The following EIF2B3 variants were observed in gnomAD, a reference collection of about 807,000 sequenced individuals.
The protein encoded by EIF2B3 is translation initiation factor eIF2B subunit gamma.
Under a neutral mutation model 54.1 loss-of-function variants are expected in EIF2B3, and 20 were observed. That is an observed-to-expected ratio of 0.37 (90% CI 0.26 to 0.54). The LOEUF is 0.54. Ranked by LOEUF, EIF2B3 falls within the 20% of genes least tolerant of loss-of-function variation. The pLI, the probability that EIF2B3 is intolerant of heterozygous loss-of-function variation, is 0.86. For missense variants in EIF2B3, 448 were observed against 547.8 expected (o/e 0.82, Z 1.82); for synonymous variants, 153 against 188.1 (o/e 0.81, Z 1.52).
At chr1:44,972,919 T>C (rs2148961338) in intron 3 of EIF2B3, among the ~76,000 whole-genome samples, 1 of 152,244 alleles carries the variant, frequency 6.6e-6, no homozygotes, top group South Asian at 2.1e-4. Context: ...CATATGCCCA[T>C]GGTTCCAGCT....
chr1:44,984,795 AT>A lies in EIF2B3; in HGVS notation c.-10+1697del, dbSNP rs1182862029. 2.9e-3 allele frequency among the ~76,000 whole-genome samples: 233 copies of A among 80,436 alleles called. 4 individuals are homozygous for A. The highest frequency in any genetic ancestry group is 8.1e-4 in the Non-Finnish European group (38 of 47,104). 52.8% of individuals were successfully genotyped at this position (80,436 alleles called of 152,430 possible). On this transcript the variant is annotated intron_variant, in intron 1 of 11. Coordinates refer to ENST00000360403, the MANE Select transcript of EIF2B3 (RefSeq NM_020365.5). ...ACGTAAAGCAGACAAAATAATGTCC[AT>A]CTTTTTTTTTTTTTTTTTTTTGAGA...
chr1:44,851,766 C>A (rs772596944), intron 11 of EIF2B3, among the ~76,000 whole-genome samples: 3 of 152,094 alleles, frequency 2.0e-5, no homozygotes, highest in Non-Finnish European at 4.4e-5. Context: ...GAAATAATGA[C>A]ACCTACTGCA....
In EIF2B3 at chr1:44,967,147, T is replaced by A. The variant is rs543763504; in HGVS notation, c.294+11168A>T. ...CCTCATATTTCAAAATAAGCTAAAG[T>A]AAGAAAATGATAAATGTGGCTGGGC... On this transcript the variant is annotated intron_variant, in intron 3 of 11. Coordinates refer to ENST00000360403, the MANE Select transcript of EIF2B3 (RefSeq NM_020365.5). 8.0e-5 allele frequency among the ~76,000 whole-genome samples: 12 copies of A among 150,714 alleles called. No homozygotes were observed. In the East Asian group the frequency reaches 1.8e-3, roughly 22 times the overall value.
At chr1:44,853,667 G>A (rs1654347456) in intron 11 of EIF2B3, among the ~76,000 whole-genome samples, 1 of 152,142 alleles carries the variant, frequency 6.6e-6, no homozygotes, top group Non-Finnish European at 1.5e-5. Context: ...GTAGGGTCCA[G>A]TAAATACACT....
chr1:44,940,381 A>G (rs1289680498), intron 4 of EIF2B3, among the ~76,000 whole-genome samples: 1 of 152,202 alleles, frequency 6.6e-6, no homozygotes, highest in Non-Finnish European at 1.5e-5. Flanking sequence ...TTAAACCCAT[A>G]AAAGGACTAC....
intron 3 of EIF2B3, among the ~76,000 whole-genome samples, chr1:44,954,304 T>A (rs1204367159): frequency 6.6e-6 from 1 of 152,224 alleles, no homozygotes; most frequent in African/African-American, 2.4e-5. Flanking sequence ...TTGATTTGAA[T>A]CTATAAATTA....
At chr1:44,852,397 C>T (rs1378438248) in intron 11 of EIF2B3, among the ~76,000 whole-genome samples, 18 of 152,180 alleles carry the variant, frequency 1.2e-4, no homozygotes, top group Non-Finnish European at 2.2e-4. Context: ...CCCTTTTGCA[C>T]TGTCCATTTC....
chr1:44,903,741 A>G (rs935658130), intron 5 of EIF2B3, among the ~76,000 whole-genome samples: 24 of 152,224 alleles, frequency 1.6e-4, no homozygotes, highest in Admixed American at 1.5e-3. Context: ...GATATAGTCC[A>G]CAGTTACTCA....
chr1:44,911,754 T>C (rs957479346), intron 5 of EIF2B3, among the ~76,000 whole-genome samples: 7 of 152,110 alleles, frequency 4.6e-5, no homozygotes, highest in Admixed American at 4.6e-4. Flanking sequence ...ATGTGCACAA[T>C]GTGCAGGTTA....
intron 2 of EIF2B3, among the ~76,000 whole-genome samples, 175 bp downstream of exon 2, chr1:44,980,846 C>G (rs979996165): frequency 6.6e-6 from 1 of 151,960 alleles, no homozygotes; most frequent in Non-Finnish European, 1.5e-5. Context: ...ACACTTAGTG[C>G]TATCCTCTCA....
At chr1:44,854,902 T>C (rs888411413) in intron 11 of EIF2B3, among the ~76,000 whole-genome samples, 1 of 152,030 alleles carries the variant, frequency 6.6e-6, no homozygotes. Flanking sequence ...CTGCATTATT[T>C]CTTAGGATGA....
chr1:44,874,678 C>T lies in EIF2B3; in HGVS notation c.1202G>A (p.Gly401Glu). 1 of 1,613,952 alleles carries T rather than the reference C, an allele frequency of 6.2e-7. No homozygotes were observed. ...LLMNSVTVEEGSNIQGSVICN... is the reference protein window; with the variant it reads ...LLMNSVTVEEESNIQGSVICN... Reference sequence around the variant, plus strand: ...CAAGTGGGTACAGGGGGAAACATACCCTTCCTCCACAGTGACTGAGTTCAT... The same window carrying T: ...CAAGTGGGTACAGGGGGAAACATACTCTTCCTCCACAGTGACTGAGTTCAT... The change falls in exon 10 of 12, where the codon GGA becomes GAA. Residue 401 changes from glycine to glutamate, a missense_variant and splice_region_variant. Gly to Glu is a moderately conservative substitution (Grantham distance 98). Transcript: ENST00000360403.
At chr1:44,851,165 T>C (rs1171292114) in intron 11 of EIF2B3, among the ~76,000 whole-genome samples, 162 bp from the exon 12 acceptor site, 2 of 151,932 alleles carry the variant, frequency 1.3e-5, no homozygotes, top group South Asian at 2.1e-4. Context: ...CCCAGGTTCA[T>C]GCGATTCTCC....
chr1:44,983,859 A>G (rs966562980), intron 1 of EIF2B3, among the ~76,000 whole-genome samples: 2 of 151,586 alleles, frequency 1.3e-5, no homozygotes, highest in African/African-American at 4.8e-5. Flanking sequence ...GGCATCCGCC[A>G]CCATACTTGG....
intron 3 of EIF2B3, among the ~76,000 whole-genome samples, chr1:44,952,471 A>T (rs543950760): frequency 1.3e-5 from 2 of 152,056 alleles, no homozygotes; most frequent in Non-Finnish European, 2.9e-5. Flanking sequence ...AGCAGCAAAC[A>T]TCTTTCTGAC....
At chr1:44,944,563 C>T (rs1257233406) in intron 3 of EIF2B3, among the ~76,000 whole-genome samples, 1 of 151,478 alleles carries the variant, frequency 6.6e-6, no homozygotes, top group African/African-American at 2.4e-5. Flanking sequence ...GAGGCTGAGG[C>T]AGGAGCATCA....
chr1:44,901,323 C>T (rs189057752), intron 5 of EIF2B3, among the ~76,000 whole-genome samples: 1 of 152,102 alleles, frequency 6.6e-6, no homozygotes, highest in Non-Finnish European at 1.5e-5. Context: ...GCCATGTTGG[C>T]CAGGCTGGTC....
intron 8 of EIF2B3, among the ~76,000 whole-genome samples, chr1:44,879,199 C>T (rs1188280488): frequency 6.6e-6 from 1 of 152,132 alleles, no homozygotes. Context: ...TCTTTACTGT[C>T]CCCCTCTCCA....
At chr1:44,941,841 T>C (rs562832823) in intron 3 of EIF2B3, among the ~76,000 whole-genome samples, 176 bp from the exon 4 acceptor site, 1 of 152,322 alleles carries the variant, frequency 6.6e-6, no homozygotes, top group African/African-American at 2.4e-5. Context: ...TGTGCTGGTA[T>C]AGGGTCTGGA....
Sources: gnomAD v4.1 joint callset for allele counts (sites outside exome capture counted in the v4.1 genomes callset) on GRCh38, gnomAD v4.1.1 for gene constraint, MANE v1.5 for transcripts, NCBI Gene and HGNC (gene_info 2026-07-23, HGNC 2026-07-21) for gene names.